The following FCSK variants were observed in gnomAD, a reference collection of about 807,000 sequenced individuals.
The protein encoded by FCSK is fucose kinase.
A neutral mutation model predicts 122.5 loss-of-function variants in FCSK; 123 were observed. That is an observed-to-expected ratio of 1.00 (90% CI 0.87 to 1.17). The LOEUF (loss-of-function observed/expected upper bound fraction) is 1.17, where lower values mean the gene tolerates loss of function less well. Ranked by LOEUF, FCSK falls within the 50% of genes most tolerant of loss-of-function variation. FCSK has a pLI of 0.00. For missense variants in FCSK, 1,366 were observed against 1,450.4 expected (o/e 0.94, Z 0.95); for synonymous variants, 620 against 625.5 (o/e 0.99, Z 0.13).
intron 8 of FCSK, 44 bp downstream of exon 8, chr16:70,468,010 G>A (rs779591001): frequency 2.1e-6 from 3 of 1,424,334 alleles, no homozygotes; most frequent in South Asian, 2.3e-5. Flanking sequence ...GGGACCTTAT[G>A]GGACAGGGAG....
At chr16:70,466,096 G>T in intron 4 of FCSK, 36 bp from the exon 5 acceptor site, 2 of 1,608,700 alleles carry the variant, frequency 1.2e-6, no homozygotes, top group Non-Finnish European at 8.5e-7. Flanking sequence ...TGGGCTCTGT[G>T]CACTGAGGCT....
Position 70,474,146 on chromosome 16 carries a change from G to T in FCSK, c.1795G>T (p.Asp599Tyr). ...TCCCTCAGTTGCAGCTGGGGCAGGA[G>T]ACCCTGGTGTGGCGGCACGGGCACT... ...TLDQVAAGAG[D>Y]PGVAARALAC... Residue 599 changes from aspartate (D) to tyrosine (Y), a missense_variant, in exon 16 of 24, where the codon GAC becomes TAC. Transcript: ENST00000288078. 6.4e-7 allele frequency: 1 copy of T among 1,551,486 alleles called. No individual in the cohort carries two copies. Among genetic ancestry groups the T allele is most frequent in the African/African-American group, 1.4e-5 (1 of 73,278 alleles).
At chr16:70,463,590 G>T (rs763450292) in intron 2 of FCSK, 33 bp from the exon 3 acceptor site, 5 of 1,609,916 alleles carry the variant, frequency 3.1e-6, no homozygotes, top group South Asian at 1.1e-5. Context: ...CAGAGAGCTG[G>T]GGGGCAGGTC....
chr16:70,465,199 G>A (rs748954777), intron 4 of FCSK, 23 bp downstream of exon 4: 1 of 1,591,346 alleles, frequency 6.3e-7, no homozygotes, highest in African/African-American at 1.3e-5. Context: ...TGGGGCAGGG[G>A]CCAAGCAGAA....
chr16:70,474,278 T>C lies in FCSK; in HGVS notation c.1927T>C (p.Cys643Arg). 1.2e-6 allele frequency: 2 copies of C among 1,612,964 alleles called. No individual in the cohort carries two copies. The highest frequency in any genetic ancestry group is 1.7e-6 in the Non-Finnish European group (2 of 1,179,800). The change falls in exon 16 of 24, where the codon TGT becomes CGT. Residue 643 changes from cysteine (C) to arginine (R), a missense_variant. Physicochemically the swap from Cys to Arg is radical, Grantham distance 180. Coordinates refer to ENST00000288078, the MANE Select transcript of FCSK (RefSeq NM_145059.3). ...EWMRPFSYLE[C>R]GDLAAGVEAL... is the part of the protein sequence containing the mutation. The stretch of plus-strand genomic sequence containing the variant: ...GATGCGGCCCTTCTCATACCTGGAG[T>C]GTGGAGACCTGGCAGCGGGCGTGGA...
At position 70,479,580 on chromosome 16, in the gene FCSK, G is replaced by A. The variant is rs573387682; in HGVS notation, c.3155G>A (p.Gly1052Asp). ...CTAAATACTTCCTGTCTTGTCCAGG[G>A]CCTTGGGAATTACAGCATCCACCTG... ...ALEAVLAKTE[G>D]LGNYSIHLVE... is the part of the protein sequence containing the mutation. Residue 1052 changes from glycine to aspartate, a missense_variant and splice_region_variant, in exon 24 of 24, where the codon GGC becomes GAC. Transcript: ENST00000288078. 2.5e-6 allele frequency: 4 copies of A among 1,613,614 alleles called. No homozygotes were observed. Among genetic ancestry groups the A allele is most frequent in the East Asian group, 2.2e-5 (1 of 44,890 alleles).
intron 8 of FCSK, 38 bp from the exon 9 acceptor site, chr16:70,468,811 G>A: frequency 6.2e-7 from 1 of 1,612,826 alleles, no homozygotes; most frequent in Non-Finnish European, 8.5e-7. Flanking sequence ...GCCTGGTCCA[G>A]GGCCCTCCAT....
At chr16:70,466,379 A>T in intron 5 of FCSK, 122 bp downstream of exon 5, 9 of 1,246,396 alleles carry the variant, frequency 7.2e-6, no homozygotes, top group Non-Finnish European at 1.0e-5. Context: ...AGGGTGCCTA[A>T]TGTTAGTTAA....
chr16:70,478,177 C>A lies in FCSK; in HGVS notation c.2642-95C>A, dbSNP rs905253583. 5.5e-6 allele frequency: 7 copies of A among 1,263,736 alleles called. No individual in the cohort carries two copies. In the South Asian group the frequency reaches 9.6e-5, roughly 17 times the overall value. The allele number at this position is 1,263,736 out of a possible 1,614,324, so 78.3% of individuals were successfully genotyped here. A position where few individuals can be genotyped will look rare whatever the true frequency, so the allele number is the denominator to read the frequency against. On this transcript the variant is annotated intron_variant, in intron 20 of 23. Transcript: ENST00000288078. ...AGTTGAGGGAAGCTATCTTTCCACA[C>A]TGGTCCCAGCAAGGGGTGCAGGGCC...
Position 70,467,964 on chromosome 16 carries a change from C to T in FCSK, c.661C>T (p.Leu221=), listed in dbSNP as rs1567700357. Residue 221 remains leucine, a splice_region_variant and synonymous_variant, in exon 8 of 24, where the codon CTG becomes TTG. Transcript: ENST00000288078. The part of the protein sequence containing the change: ...RCVRPDGRVP[L]VSGVVFFSVE... ...TGTCAGGCCTGATGGGCGGGTGCCACTGGTATGGCTGCTGGGCCCAGGTTG... is the reference window on the plus strand; with the variant it reads ...TGTCAGGCCTGATGGGCGGGTGCCATTGGTATGGCTGCTGGGCCCAGGTTG... 1.2e-6 allele frequency: 2 copies of T among 1,613,476 alleles called. No homozygotes were observed.
intron 4 of FCSK, 35 bp downstream of exon 4, chr16:70,465,211 G>T: frequency 6.3e-7 from 1 of 1,582,056 alleles, no homozygotes; most frequent in Non-Finnish European, 8.6e-7. Flanking sequence ...CAAGCAGAAG[G>T]CCAGAATCCC....
At position 70,471,323 on chromosome 16, in the gene FCSK, A is replaced by G. The variant is rs1429607585; in HGVS notation, c.1312A>G (p.Thr438Ala). The change falls in exon 13 of 24, where the codon ACC (threonine) becomes GCC (alanine). Residue 438 changes from threonine (T) to alanine (A), a missense_variant. Coordinates refer to ENST00000288078, the MANE Select transcript of FCSK (RefSeq NM_145059.3). ...ACACGGCTCCCCGGGCCACGCCTTC[A>G]CCCTCGTTGGCCGTCTGGACAGCTG... ...RLHGSPGHAF[T>A]LVGRLDSWER... The G allele has an allele frequency of 1.3e-6, 2 of 1,595,768 alleles. No individual in the cohort carries two copies. Among genetic ancestry groups the G allele is most frequent in the Admixed American group, 1.7e-5 (1 of 57,928 alleles).
At position 70,475,438 on chromosome 16, in the gene FCSK, C is replaced by CG; in HGVS notation, c.2471dup (p.Gly825ArgfsTer3). 1 of 1,607,694 alleles carries CG rather than the reference C, an allele frequency of 6.2e-7. No homozygotes were observed. On this transcript the variant is annotated frameshift_variant, in exon 19 of 24. Coordinates refer to ENST00000288078, the MANE Select transcript of FCSK (RefSeq NM_145059.3). LOFTEE classifies it high-confidence loss of function. ...TGAGTGAGCAGCTGCTCCGCACCTT[C>CG]GGGGGCGGCTTTGAGCTGCACACCT...
Position 70,463,698 on chromosome 16 carries a change from G to T in FCSK, c.158G>T (p.Arg53Leu), listed in dbSNP as rs369355398. ...CTGGCCGTGGAGGACCCAGAGAAGC[G>T]TGTGGGCAGCGGAGGAGCCACCCTC... is the stretch of plus-strand genomic sequence containing the variant. ...LLLAVEDPEKRVGSGGATLNA... is the reference protein window; with the variant it reads ...LLLAVEDPEKLVGSGGATLNA... The change falls in exon 3 of 24, where the codon CGT (arginine) becomes CTT (leucine). Residue 53 changes from arginine (R) to leucine (L), a missense_variant. By Grantham distance (102) the Arg-to-Leu change is moderately radical. Coordinates refer to ENST00000288078, the MANE Select transcript of FCSK (RefSeq NM_145059.3). 1 of 1,613,048 alleles carries T rather than the reference G, an allele frequency of 6.2e-7. No individual in the cohort carries two copies. The highest frequency in any genetic ancestry group is 1.1e-5 in the South Asian group (1 of 91,052).
At chr16:70,468,350 G>C (rs572500868) in intron 8 of FCSK, among the ~76,000 whole-genome samples, 18 of 152,342 alleles carry the variant, frequency 1.2e-4, no homozygotes, top group Non-Finnish European at 2.5e-4. Context: ...AACCCAGGAG[G>C]CGGAGGTTGC....
chr16:70,463,882 G>A, intron 3 of FCSK, 108 bp downstream of exon 3: 1 of 1,241,544 alleles, frequency 8.1e-7, no homozygotes, highest in Non-Finnish European at 1.1e-6. Flanking sequence ...ACTCAGCATT[G>A]GTCTCAGTTT....
In FCSK at chr16:70,479,899, A is replaced by G. The variant is rs2048944763; in HGVS notation, c.*219A>G. The G allele has an allele frequency of 2.1e-6, 1 of 484,870 alleles. No individual in the cohort carries two copies. Among genetic ancestry groups the G allele is most frequent in the Non-Finnish European group, 3.7e-6 (1 of 270,534 alleles). The allele number at this position is 484,870 out of a possible 1,614,324, so 30.0% of individuals were successfully genotyped here. ...GATGTAGCCTCTGTTCCTCCTGGAC[A>G]TAGGAAGGTCCCAAGCTTAGTATCC... On this transcript the variant is annotated 3_prime_UTR_variant, in exon 24 of 24. Transcript: ENST00000288078.
rs2048595559 is a variant in FCSK, at chr16:70,470,981, TTCTGGCGGCCGGGAGC to T, written c.1084_1099del (p.Ala362TrpfsTer29). On this transcript the variant is annotated frameshift_variant, in exon 12 of 24. Coordinates refer to ENST00000288078, the MANE Select transcript of FCSK (RefSeq NM_145059.3). LOFTEE classifies it high-confidence loss of function. The stretch of plus-strand genomic sequence containing the variant: ...TACCTGGCTGCACAGGAGCAGCAGC[TTCTGGCGGCCGGGAGC>T]TCTGTGGTCAGCTGCCTGCTGGAGG... 1 of 1,589,366 alleles carries T rather than the reference TTCTGGCGGCCGGGAGC, an allele frequency of 6.3e-7. No homozygotes were observed. Among genetic ancestry groups the T allele is most frequent in the Non-Finnish European group, 8.5e-7 (1 of 1,169,868 alleles).
chr16:70,466,512 G>A, intron 5 of FCSK: 1 of 504,600 alleles, frequency 2.0e-6, no homozygotes, highest in South Asian at 2.7e-5. Flanking sequence ...GGGCAACACA[G>A]CAAGACCCCA....
Sources: allele counts gnomAD v4.1 joint callset (sites outside exome capture counted in the v4.1 genomes callset), GRCh38; gene constraint gnomAD v4.1.1; transcripts MANE v1.5; gene names NCBI Gene and HGNC (gene_info 2026-07-23, HGNC 2026-07-21).